The following GPA33 variants were observed in gnomAD, a reference collection of about 807,000 sequenced individuals.
The protein encoded by GPA33 is cell surface A33 antigen.
A neutral mutation model predicts 35.6 loss-of-function variants in GPA33; 27 were observed. The ratio of observed to expected loss-of-function variants is 0.76; its 90% CI spans 0.56 to 1.04. GPA33 has a LOEUF of 1.04. GPA33 is among the 50% of genes least tolerant of loss of function. The pLI, the probability that GPA33 is intolerant of heterozygous loss-of-function variation, is 0.00. For synonymous variants in GPA33, 176 were observed against 164.0 expected (o/e 1.07, Z -0.56); for missense variants, 428 against 411.9 (o/e 1.04, Z -0.34).
Position 167,090,284 on chromosome 1 carries a change from C to A in GPA33, c.4G>T (p.Val2Leu). The change falls in exon 1 of 7, where the codon GTG becomes TTG. Residue 2 changes from valine (V) to leucine (L), a missense_variant. By Grantham distance (32) the Val-to-Leu change is conservative. Transcript: ENST00000367868. M[V>L]GKMWPVLWTL... ...CACAACACAGGCCACATCTTCCCCA[C>A]CATGGTCTTGCTTCTTCTCTGCCCT... 1.2e-6 allele frequency: 2 copies of A among 1,613,648 alleles called. No individual in the cohort carries two copies. Among genetic ancestry groups the A allele is most frequent in the Non-Finnish European group, 8.5e-7 (1 of 1,179,530 alleles).
At chr1:167,082,228 G>GT (rs1308383284) in intron 1 of GPA33, 1 of 455,612 alleles carries the variant, frequency 2.2e-6, no homozygotes, top group Admixed American at 2.4e-5. Context: ...CCAAAATACA[G>GT]TATTAATAAC....
intron 1 of GPA33, among the ~76,000 whole-genome samples, chr1:167,084,834 T>C (rs895753510): frequency 1.3e-5 from 2 of 152,232 alleles, no homozygotes; most frequent in Admixed American, 6.5e-5. Context: ...TAAATGATTA[T>C]TATTGTTTTA....
intron 1 of GPA33, among the ~76,000 whole-genome samples, chr1:167,074,263 T>C (rs1211466264): frequency 6.6e-6 from 1 of 151,908 alleles, no homozygotes; most frequent in African/African-American, 2.4e-5. Flanking sequence ...GTGTAAGGGA[T>C]GTTATGTGGC....
At chr1:167,088,436 G>GC (rs1558013325) in intron 1 of GPA33, among the ~76,000 whole-genome samples, 2 of 152,142 alleles carry the variant, frequency 1.3e-5, no homozygotes, top group Admixed American at 6.5e-5. Context: ...CACTGCTCTG[G>GC]CCCCTTCTTC....
rs1666172977 is a variant in GPA33 at position 167,054,023 on chromosome 1, T to G, written c.*311A>C. Reference sequence around the variant, plus strand: ...TGGGAGCGCCCCATGCTCAGCGCTGTGCTTCCAGGAGCTCCTGCCAACTAC... The same window carrying G: ...TGGGAGCGCCCCATGCTCAGCGCTGGGCTTCCAGGAGCTCCTGCCAACTAC... On this transcript the variant is annotated 3_prime_UTR_variant, in exon 7 of 7. Transcript: ENST00000367868. The G allele has an allele frequency of 2.5e-6, 1 of 392,600 alleles. No individual in the cohort carries two copies. The highest frequency in any genetic ancestry group is 4.7e-6 in the Non-Finnish European group (1 of 212,148). 24.3% of individuals were successfully genotyped at this position (392,600 alleles called of 1,614,324 possible).
intron 1 of GPA33, among the ~76,000 whole-genome samples, chr1:167,077,857 A>T (rs1264956574): frequency 6.6e-6 from 1 of 152,166 alleles, no homozygotes; most frequent in African/African-American, 2.4e-5. Context: ...ATTTATTTTC[A>T]TACTCTCTTT....
chr1:167,059,846 T>C (rs1169785837), intron 4 of GPA33, among the ~76,000 whole-genome samples: 1 of 152,174 alleles, frequency 6.6e-6, no homozygotes, highest in African/African-American at 2.4e-5. Context: ...CAGGACTTCT[T>C]GTTTCCTGAT....
Position 167,055,220 on chromosome 1 carries a change from G to T in GPA33, c.692-109C>A, listed in dbSNP as rs560617591. On this transcript the variant is annotated intron_variant, in intron 5 of 6. Coordinates refer to ENST00000367868, the MANE Select transcript of GPA33 (RefSeq NM_005814.3). Reference sequence around the variant, plus strand: ...AGCTTCTGGTAACACTCCATGAAAGGCATGGTCTTGGAGGAATGTGACCAG... The same window carrying T: ...AGCTTCTGGTAACACTCCATGAAAGTCATGGTCTTGGAGGAATGTGACCAG... The T allele has an allele frequency of 3.8e-6, 4 of 1,050,734 alleles. No homozygotes were observed. The African/African-American group carries it at 6.2e-5, about 16-fold the overall frequency. The allele number at this position is 1,050,734 out of a possible 1,614,324, so 65.1% of individuals were successfully genotyped here. A position where few individuals can be genotyped will look rare whatever the true frequency, so the allele number is the denominator to read the frequency against.
chr1:167,069,388 G>GT (rs1275453443), intron 2 of GPA33, among the ~76,000 whole-genome samples: 1 of 152,228 alleles, frequency 6.6e-6, no homozygotes, highest in African/African-American at 2.4e-5. Context: ...CAGTACACAT[G>GT]TGGGTGAATG....
chr1:167,087,910 T>TCACACACACACACACACA (rs375861023), intron 1 of GPA33, among the ~76,000 whole-genome samples: 4 of 149,746 alleles, frequency 2.7e-5, no homozygotes, highest in African/African-American at 7.4e-5. Flanking sequence ...AGACTCTGTC[T>TCACACACACACACACACA]CACACACACA....
At position 167,082,288 on chromosome 1, in the gene GPA33, G is replaced by A. The variant is rs138485380; in HGVS notation, c.43+7957C>T. The A allele has an allele frequency of 3.1e-3, 1,412 of 456,270 alleles. 4 individuals are homozygous for A. Among genetic ancestry groups the A allele is most frequent in the Non-Finnish European group, 5.0e-3 (1,126 of 226,950 alleles). 28.3% of individuals were successfully genotyped at this position (456,270 alleles called of 1,614,324 possible). On this transcript the variant is annotated intron_variant, in intron 1 of 6. Transcript: ENST00000367868. ...TGGGGCAATCTGAGATTTCTTCTAT[G>A]TGTACTTTTATTTCCCAAATGCTCT...
Position 167,069,000 on chromosome 1 carries a change from C to T in GPA33, c.337G>A (p.Gly113Ser), listed in dbSNP as rs762465858. The change falls in exon 3 of 7, where the codon GGC (glycine) becomes AGC (serine). Residue 113 changes from glycine (G) to serine (S), a missense_variant. Gly to Ser is a moderately conservative substitution (Grantham distance 56). Coordinates refer to ENST00000367868, the MANE Select transcript of GPA33 (RefSeq NM_005814.3). The stretch of plus-strand genomic sequence containing the variant: ...AGCGAGACAGAACACTCGTAGGTGC[C>T]GTTGTCAGCCATGGTCAGCTGATCA... ...TIDQLTMADNGTYECSVSLMS... is the reference protein window; with the variant it reads ...TIDQLTMADNSTYECSVSLMS... The T allele has an allele frequency of 6.2e-6, 10 of 1,613,890 alleles. No individual in the cohort carries two copies. Among genetic ancestry groups the T allele is most frequent in the Admixed American group, 1.7e-5 (1 of 60,010 alleles).
chr1:167,070,665 A>C (rs1222648742), intron 2 of GPA33, among the ~76,000 whole-genome samples: 3 of 152,222 alleles, frequency 2.0e-5, no homozygotes, highest in Non-Finnish European at 4.4e-5. Context: ...ACAGGATGGA[A>C]AGTGACTTGG....
At chr1:167,070,077 C>T (rs1335301301) in intron 2 of GPA33, among the ~76,000 whole-genome samples, 1 of 152,134 alleles carries the variant, frequency 6.6e-6, no homozygotes, top group Non-Finnish European at 1.5e-5. Flanking sequence ...TGACAGTTGC[C>T]TTGAATCCTA....
chr1:167,071,364 A>G (rs1265312584), intron 2 of GPA33, among the ~76,000 whole-genome samples: 1 of 152,236 alleles, frequency 6.6e-6, no homozygotes, highest in Non-Finnish European at 1.5e-5. Flanking sequence ...AGCATTAGGT[A>G]TAGAAGCGAG....
chr1:167,077,254 G>C (rs1300771309), intron 1 of GPA33, among the ~76,000 whole-genome samples: 2 of 151,756 alleles, frequency 1.3e-5, no homozygotes, highest in Admixed American at 6.6e-5. Context: ...TTACTAACAA[G>C]TCACCCTTCA....
chr1:167,058,621 T>TACTC (rs1666363854), intron 4 of GPA33: 1 of 152,250 alleles, frequency 6.6e-6, no homozygotes, highest in Admixed American at 6.5e-5. Flanking sequence ...CCCAGGACAC[T>TACTC]ACTCTCTGGA....
At chr1:167,082,921 C>G (rs914682333) in intron 1 of GPA33, among the ~76,000 whole-genome samples, 6 of 152,100 alleles carry the variant, frequency 3.9e-5, no homozygotes, top group Non-Finnish European at 5.9e-5. Context: ...AGGCGGGTTC[C>G]AAGCTTGACG....
intron 4 of GPA33, among the ~76,000 whole-genome samples, chr1:167,061,971 C>T (rs1046260954): frequency 5.9e-5 from 9 of 151,970 alleles, no homozygotes; most frequent in African/African-American, 2.2e-4. Context: ...CTGGGCTTAT[C>T]CAGGACACCA....
Sources: allele counts gnomAD v4.1 joint callset (sites outside exome capture counted in the v4.1 genomes callset), GRCh38; gene constraint gnomAD v4.1.1; transcripts MANE v1.5; gene names NCBI Gene and HGNC (gene_info 2026-07-23, HGNC 2026-07-21).